The following LDLRAD4 variants were observed in gnomAD, a reference collection of about 807,000 sequenced individuals.
LDLRAD4 encodes low-density lipoprotein receptor class A domain-containing protein 4.
In LDLRAD4, 5 loss-of-function variants were observed where a neutral mutation model predicts 17.0. The observed-to-expected ratio is 0.29, with a 90% CI of 0.15 to 0.62. LDLRAD4 has a LOEUF of 0.62. LDLRAD4 is among the 20% of genes least tolerant of loss of function. LDLRAD4 has a pLI of 0.84. For synonymous variants in LDLRAD4, 168 were observed against 171.8 expected, an observed-to-expected ratio of 0.98 and a Z score of 0.17; for missense variants, 340 against 424.7, an observed-to-expected ratio of 0.80 and a Z score of 1.75.
At chr18:13,587,763 G>A (rs144021350) in intron 3 of LDLRAD4, among the ~76,000 whole-genome samples, 1 of 152,262 alleles carries the variant, frequency 6.6e-6, no homozygotes, top group East Asian at 1.9e-4. Context: ...TTATGATTGA[G>A]CCTTTGCTCA....
intron 3 of LDLRAD4, among the ~76,000 whole-genome samples, chr18:13,618,612 C>G (rs1015530930): frequency 6.6e-6 from 1 of 152,176 alleles, no homozygotes; most frequent in Non-Finnish European, 1.5e-5. Context: ...TCCCTGTCAC[C>G]ATGATTTTCC....
chr18:13,641,706 G>A (rs926333129), intron 4 of LDLRAD4: 8 of 973,756 alleles, frequency 8.2e-6, no homozygotes, highest in South Asian at 4.8e-5. Context: ...TGGCGGGGCC[G>A]CCAGTCGGCG....
intron 3 of LDLRAD4, among the ~76,000 whole-genome samples, chr18:13,580,683 C>T (rs1270830547): frequency 6.6e-6 from 1 of 152,162 alleles, no homozygotes; most frequent in Non-Finnish European, 1.5e-5. Context: ...GCAGTCACTT[C>T]CTTTCCCAGG....
At chr18:13,328,530 T>A (rs2081658446) in intron 1 of LDLRAD4, among the ~76,000 whole-genome samples, 1 of 152,220 alleles carries the variant, frequency 6.6e-6, no homozygotes, top group South Asian at 2.1e-4. Context: ...TTCTGAGAAA[T>A]AATGCCCTCC....
upstream of LDLRAD4, among the ~76,000 whole-genome samples, chr18:13,275,824 G>C (rs112901312): frequency 4.3e-4 from 66 of 152,262 alleles, no homozygotes; most frequent in African/African-American, 1.6e-3. Flanking sequence ...AAGTGTTAGG[G>C]ATGCCAGGAT....
chr18:13,301,255 T>G (rs2046581668), intron 1 of LDLRAD4, among the ~76,000 whole-genome samples: 1 of 150,700 alleles, frequency 6.6e-6, no homozygotes, highest in East Asian at 2.0e-4. Flanking sequence ...ATGTCCTAAA[T>G]GTATGCGAAC....
chr18:13,327,018 A>C (rs1251214090), intron 1 of LDLRAD4, among the ~76,000 whole-genome samples: 5 of 151,928 alleles, frequency 3.3e-5, no homozygotes, highest in African/African-American at 9.7e-5. Flanking sequence ...TCAATACGCT[A>C]CTTCCTTGGC....
intron 3 of LDLRAD4, among the ~76,000 whole-genome samples, chr18:13,504,935 G>C (rs771601111): frequency 6.6e-6 from 1 of 152,098 alleles, no homozygotes; most frequent in Non-Finnish European, 1.5e-5. Context: ...CACATGCACC[G>C]ACGAGGGGTG....
intron 2 of LDLRAD4, among the ~76,000 whole-genome samples, chr18:13,415,570 T>C (rs985944875): frequency 6.6e-6 from 1 of 152,206 alleles, no homozygotes; most frequent in Non-Finnish European, 1.5e-5. Flanking sequence ...GAGGAGCTGC[T>C]CTTGTTTCCA....
At position 13,592,872 on chromosome 18, in the gene LDLRAD4, T is replaced by C. The variant is rs1158784719; in HGVS notation, c.182-28245T>C. Among the ~76,000 whole-genome samples the C allele has an allele frequency of 7.2e-5, 11 of 152,232 alleles. 1 individual carries two copies. The highest frequency in any genetic ancestry group is 1.5e-5 in the Non-Finnish European group (1 of 68,036). On this transcript the variant is annotated intron_variant, in intron 3 of 5. Coordinates refer to ENST00000359446, the Ensembl canonical transcript of LDLRAD4. ...AAGAGACCAAAACTTTGTGGAGCAA[T>C]TCAGTTTCAAGCAATTCTTAAGCAT...
intron 3 of LDLRAD4, among the ~76,000 whole-genome samples, chr18:13,527,279 G>A (rs958882700): frequency 3.9e-5 from 6 of 152,234 alleles, no homozygotes; most frequent in African/African-American, 1.2e-4. Flanking sequence ...AGTCGTGCAT[G>A]GGAAGATGTC....
At chr18:13,285,421 G>A (rs764977749) in intron 1 of LDLRAD4, among the ~76,000 whole-genome samples, 2 of 150,126 alleles carry the variant, frequency 1.3e-5, no homozygotes, top group Non-Finnish European at 2.9e-5. Flanking sequence ...GGACAGTCAG[G>A]GGACAGGATT....
chr18:13,595,288 G>A (rs1188373842), intron 3 of LDLRAD4, among the ~76,000 whole-genome samples: 1 of 151,946 alleles, frequency 6.6e-6, no homozygotes, highest in Admixed American at 6.6e-5. Flanking sequence ...TTTTGGTCCA[G>A]TGTCTTATTA....
At position 13,621,801 on chromosome 18, in the gene LDLRAD4, G is replaced by C. The variant is rs1201707135; in HGVS notation, c.336+530G>C. Among the ~76,000 whole-genome samples the C allele has an allele frequency of 6.6e-6, 1 of 151,894 alleles. No homozygotes were observed. Among genetic ancestry groups the C allele is most frequent in the Non-Finnish European group, 1.5e-5 (1 of 67,952 alleles). On this transcript the variant is annotated intron_variant, in intron 4 of 5. Coordinates refer to ENST00000359446, the Ensembl canonical transcript of LDLRAD4. The surrounding 1 kb of genome is among the most constrained non-coding windows in gnomAD (Gnocchi z 5.5). Reference sequence around the variant, plus strand: ...GGGATCGGCGGTGGGGTTGTTGGCGGTGGGCTTGTCAGCGGTGGGCTTGTC... The same window carrying C: ...GGGATCGGCGGTGGGGTTGTTGGCGCTGGGCTTGTCAGCGGTGGGCTTGTC...
At chr18:13,229,731 T>G (rs2041978985) in intron 1 of LDLRAD4, among the ~76,000 whole-genome samples, 1 of 152,190 alleles carries the variant, frequency 6.6e-6, no homozygotes, top group South Asian at 2.1e-4. Context: ...TTCTACTCTT[T>G]CCTCCTGTGT....
intron 4 of LDLRAD4, among the ~76,000 whole-genome samples, chr18:13,623,859 T>A (rs532211595): frequency 1.4e-4 from 21 of 152,112 alleles, no homozygotes; most frequent in Admixed American, 3.9e-4. Context: ...GCCTCCTAAT[T>A]CCCTACTTCT....
chr18:13,596,593 C>G (rs937412643), intron 3 of LDLRAD4, among the ~76,000 whole-genome samples: 3 of 152,112 alleles, frequency 2.0e-5, no homozygotes, highest in African/African-American at 4.8e-5. Flanking sequence ...TTTATGCTCT[C>G]CTTGTTATAC....
intron 1 of LDLRAD4, among the ~76,000 whole-genome samples, chr18:13,262,331 C>T (rs2043900190): frequency 7.6e-6 from 1 of 131,290 alleles, no homozygotes; most frequent in Non-Finnish European, 1.6e-5. Flanking sequence ...AACTGAGTCC[C>T]GTGCGGCTCT....
At chr18:13,626,025 G>C (rs2041139805) in intron 4 of LDLRAD4, among the ~76,000 whole-genome samples, 1 of 151,836 alleles carries the variant, frequency 6.6e-6, no homozygotes. Flanking sequence ...GGGGGCCCAA[G>C]GAATGGATGT....
Sources: allele counts gnomAD v4.1 joint callset (sites outside exome capture counted in the v4.1 genomes callset), GRCh38; gene constraint gnomAD v4.1.1; non-coding constraint Gnocchi (gnomAD v3.1); transcripts MANE v1.5; gene names NCBI Gene and HGNC (gene_info 2026-07-23, HGNC 2026-07-21).